The following FHAD1 variants were observed in gnomAD, a reference collection of about 807,000 sequenced individuals.
FHAD1 encodes the protein forkhead associated phosphopeptide binding domain 1, also known as forkhead-associated domain-containing protein 1.
In FHAD1, 146 loss-of-function variants were observed where a neutral mutation model predicts 191.3. That is an observed-to-expected ratio of 0.76 (90% CI 0.67 to 0.88). The LOEUF is 0.88. FHAD1 is among the 40% of genes least tolerant of loss of function. The pLI, the probability that FHAD1 is intolerant of heterozygous loss-of-function variation, is 0.00. For synonymous variants in FHAD1, 616 were observed against 672.3 expected, an observed-to-expected ratio of 0.92 and a Z score of 1.29; for missense variants, 1,635 against 1,785.8, an observed-to-expected ratio of 0.92 and a Z score of 1.52.
chr1:15,257,427 G>C (rs941606071), intron 2 of FHAD1, among the ~76,000 whole-genome samples: 1 of 152,240 alleles, frequency 6.6e-6, no homozygotes, highest in African/African-American at 2.4e-5. Context: ...CCTGGATAAA[G>C]ATGCTCACCC....
At chr1:15,395,857 T>G (rs1413398171) in intron 33 of FHAD1, among the ~76,000 whole-genome samples, 1 of 152,148 alleles carries the variant, frequency 6.6e-6, no homozygotes, top group Non-Finnish European at 1.5e-5. Context: ...GGCCCAAGAC[T>G]ATTCTTCTTC....
At chr1:15,345,582 G>C (rs1688579213) in intron 18 of FHAD1, 59 bp downstream of exon 18, 2 of 1,353,568 alleles carry the variant, frequency 1.5e-6, no homozygotes, top group African/African-American at 2.9e-5. Context: ...CATGTGGAAG[G>C]AAGTTCAGAG....
chr1:15,236,615 G>A (rs1438322030), exon 1 of FHAD1, among the ~76,000 whole-genome samples: 1 of 152,254 alleles, frequency 6.6e-6, no homozygotes, highest in African/African-American at 2.4e-5. Flanking sequence ...GAAGATGTAA[G>A]GACTGGAGCT....
chr1:15,333,020 T>C (rs997692932), intron 14 of FHAD1, among the ~76,000 whole-genome samples: 2 of 152,136 alleles, frequency 1.3e-5, no homozygotes, highest in East Asian at 1.9e-4. Flanking sequence ...GGAACAGTCA[T>C]TGGGGAAACG....
In FHAD1 at chr1:15,324,502, A is replaced by G. The variant is rs1328831328; in HGVS notation, c.1416A>G (p.Gln472=). ...EDSRRKLLQL[Q]EMGNRESVIK... ...CCAGAAGGAAATTGCTTCAGCTGCA[A>G]GAAATGGGGAACAGAGAGAGCGTCA... The change falls in exon 11 of 34, where the codon CAA becomes CAG. Residue 472 remains glutamine, a synonymous_variant. Coordinates refer to ENST00000688493, the MANE Select transcript of FHAD1 (RefSeq NM_001391957.1). The G allele has an allele frequency of 1.3e-6, 2 of 1,552,256 alleles. No individual in the cohort carries two copies. The highest frequency in any genetic ancestry group is 2.4e-5 in the South Asian group (2 of 84,060).
rs776105854 is a variant in FHAD1 at position 15,308,780 on chromosome 1, C to G, written c.1039+44C>G. On this transcript the variant is annotated intron_variant, in intron 7 of 33. Coordinates refer to ENST00000688493, the MANE Select transcript of FHAD1 (RefSeq NM_001391957.1). ...GCCTGGGAGCTGCCACTCCCGCACCCGTTGTTCTTGGCCACAGCAGACATC... is the reference window on the plus strand; with the variant it reads ...GCCTGGGAGCTGCCACTCCCGCACCGGTTGTTCTTGGCCACAGCAGACATC... The G allele has an allele frequency of 3.9e-6, 6 of 1,549,932 alleles. No homozygotes were observed. The East Asian group carries it at 1.5e-4, about 38-fold the overall frequency.
intron 31 of FHAD1, chr1:15,383,866 G>A (rs1217635245): frequency 1.8e-5 from 8 of 447,846 alleles, no homozygotes; most frequent in Admixed American, 1.4e-4. Context: ...CGGCTGGTAA[G>A]GACAGCTGGG....
intron 7 of FHAD1, among the ~76,000 whole-genome samples, chr1:15,309,008 G>C (rs573763607): frequency 6.6e-6 from 1 of 152,330 alleles, no homozygotes; most frequent in East Asian, 1.9e-4. Flanking sequence ...TAAAAGGCCT[G>C]CTGAGCATGG....
intron 7 of FHAD1, among the ~76,000 whole-genome samples, chr1:15,310,153 G>A (rs1249541650): frequency 6.6e-6 from 1 of 152,220 alleles, no homozygotes; most frequent in Admixed American, 6.5e-5. Flanking sequence ...GAGGGAATGA[G>A]TCCAGATTGG....
chr1:15,277,941 A>G (rs1338838104), intron 3 of FHAD1, among the ~76,000 whole-genome samples: 1 of 152,206 alleles, frequency 6.6e-6, no homozygotes, highest in African/African-American at 2.4e-5. Context: ...CTCGCAAAGT[A>G]AGAAGTATCT....
chr1:15,246,498 G>C (rs1243452184), upstream of FHAD1, among the ~76,000 whole-genome samples: 1 of 100,384 alleles, frequency 1.0e-5, no homozygotes, highest in African/African-American at 3.0e-5. Flanking sequence ...CGGGAGATAG[G>C]ATTTGCACAT....
chr1:15,356,084 G>A (rs1257591018), intron 20 of FHAD1, among the ~76,000 whole-genome samples: 1 of 152,144 alleles, frequency 6.6e-6, no homozygotes, highest in African/African-American at 2.4e-5. Context: ...GATAACTACC[G>A]ATTTATGACC....
At chr1:15,379,130 C>T (rs1570467357) in intron 28 of FHAD1, among the ~76,000 whole-genome samples, 1 of 152,034 alleles carries the variant, frequency 6.6e-6, no homozygotes. Context: ...TAAGGGGGCC[C>T]GGGGAACCAG....
chr1:15,335,411 A>G (rs1271659289), intron 14 of FHAD1: 1 of 152,022 alleles, frequency 6.6e-6, no homozygotes, highest in African/African-American at 2.4e-5. Flanking sequence ...AAATCACTCA[A>G]CTATCCAAGA....
rs1237902843 is a variant in FHAD1 at position 15,313,024 on chromosome 1, C to T, written c.1040-33C>T. Reference sequence around the variant, plus strand: ...CAGCGATGACAGTCATCCTCACTGCCTCTTTGACCTCTGCGAGTCTTCTTT... The same window carrying T: ...CAGCGATGACAGTCATCCTCACTGCTTCTTTGACCTCTGCGAGTCTTCTTT... On this transcript the variant is annotated intron_variant, in intron 7 of 33. Coordinates refer to ENST00000688493, the MANE Select transcript of FHAD1 (RefSeq NM_001391957.1). The T allele has an allele frequency of 5.8e-6, 9 of 1,550,360 alleles. No individual in the cohort carries two copies. The Admixed American group carries it at 7.9e-5, about 14-fold the overall frequency.
chr1:15,374,584 C>A lies in FHAD1; in HGVS notation c.3530C>A (p.Ser1177Tyr). 6.4e-7 allele frequency: 1 copy of A among 1,551,734 alleles called. No homozygotes were observed. Among genetic ancestry groups the A allele is most frequent in the Non-Finnish European group, 8.7e-7 (1 of 1,147,002 alleles). ...ATTCAGCGTCAGAAAAAGGCCTTAT[C>A]TGAACTTCGAGCGCGAATTAAAGAA... ...EVIQRQKKAL[S>Y]ELRARIKELE... Residue 1177 changes from serine to tyrosine, a missense_variant, in exon 27 of 34, where the codon TCT (serine) becomes TAT (tyrosine). Transcript: ENST00000688493.
chr1:15,351,407 G>A (rs894040808), intron 19 of FHAD1, among the ~76,000 whole-genome samples: 1 of 152,162 alleles, frequency 6.6e-6, no homozygotes, highest in Non-Finnish European at 1.5e-5. Flanking sequence ...CAAGTGGGCA[G>A]GGTTTGAATC....
Position 15,327,164 on chromosome 1 carries a change from C to A in FHAD1, c.1557+22C>A. The A allele has an allele frequency of 6.7e-7, 1 of 1,503,676 alleles. No homozygotes were observed. The highest frequency in any genetic ancestry group is 9.1e-7 in the Non-Finnish European group (1 of 1,104,176). The allele number at this position is 1,503,676 out of a possible 1,614,324, so 93.1% of individuals were successfully genotyped here. A position where few individuals can be genotyped will look rare whatever the true frequency, so the allele number is the denominator to read the frequency against. ...ACAGGTTAGTCTGCCGTCCCTGCCACGTGGCTCCTTCACTTTCCTCTTCTT... is the reference window on the plus strand; with the variant it reads ...ACAGGTTAGTCTGCCGTCCCTGCCAAGTGGCTCCTTCACTTTCCTCTTCTT... On this transcript the variant is annotated intron_variant, in intron 12 of 33. Transcript: ENST00000688493. The surrounding 1 kb of genome is among the most constrained non-coding windows in gnomAD (Gnocchi z 5.1).
chr1:15,384,456 C>T (rs962090238), intron 31 of FHAD1: 1 of 152,446 alleles, frequency 6.6e-6, no homozygotes, highest in Admixed American at 6.5e-5. Flanking sequence ...CTTGGCAGGC[C>T]AGGCCCACAG....
Sources: allele counts gnomAD v4.1 joint callset (sites outside exome capture counted in the v4.1 genomes callset), GRCh38; gene constraint gnomAD v4.1.1; non-coding constraint Gnocchi (gnomAD v3.1); transcripts MANE v1.5; gene names NCBI Gene and HGNC (gene_info 2026-07-23, HGNC 2026-07-21).